Variants in SPSB4 observed in about 807,000 individuals in gnomAD.
SPSB4 encodes splA/ryanodine receptor domain and SOCS box containing 4, also known as SPRY domain-containing SOCS box protein 4.
SPSB4 carries 21 observed loss-of-function variants against 20.9 expected under a neutral mutation model. That is an observed-to-expected ratio of 1.01 (90% CI 0.71 to 1.45). The LOEUF (loss-of-function observed/expected upper bound fraction) is 1.45. SPSB4 is among the 40% of genes most tolerant of loss of function. The probability of loss-of-function intolerance (pLI) is 0.00; values close to 1 mark genes in which losing one functional copy is unlikely to be tolerated. For synonymous variants in SPSB4, 207 were observed against 183.8 expected (o/e 1.13, Z -1.02); for missense variants, 399 against 399.2 (o/e 1.00, Z 0.00).
chr3:141,142,704 T>C (rs1201449735), intron 2 of SPSB4, among the ~76,000 whole-genome samples: 1 of 151,910 alleles, frequency 6.6e-6, no homozygotes, highest in Admixed American at 6.6e-5. Flanking sequence ...AATTGTTTTA[T>C]AAATTTGGGA....
Position 141,077,561 on chromosome 3 carries a change from G to A in SPSB4, c.694+10763G>A, listed in dbSNP as rs140986576. 1.2e-3 allele frequency: 181 copies of A among 152,470 alleles called. 1 individual carries two copies. Among genetic ancestry groups the A allele is most frequent in the Admixed American group, 2.4e-3 (37 of 15,312 alleles). The allele number at this position is 152,470 out of a possible 1,614,324, so 9.4% of individuals were successfully genotyped here. A position where few individuals can be genotyped will look rare whatever the true frequency, so the allele number is the denominator to read the frequency against. On this transcript the variant is annotated intron_variant, in intron 2 of 2. Transcript: ENST00000310546. ...TTTGTTGATGTTTCTCCCTCAAAAT[G>A]CAATTCATGAGGAGGTCCCAGGGTG... is the stretch of plus-strand genomic sequence containing the variant.
chr3:141,065,425 G>A (rs1229449937), intron 1 of SPSB4, among the ~76,000 whole-genome samples: 2 of 152,192 alleles, frequency 1.3e-5, no homozygotes, highest in African/African-American at 4.8e-5. Context: ...ACACCCTACA[G>A]CCCTGTGTCT....
At chr3:141,125,418 T>C (rs570198008) in intron 2 of SPSB4, among the ~76,000 whole-genome samples, 2 of 152,350 alleles carry the variant, frequency 1.3e-5, no homozygotes, top group African/African-American at 4.8e-5. Flanking sequence ...GGCAGCTCTG[T>C]GCCTTCATCA....
At chr3:141,082,283 G>C (rs1333893533) in intron 2 of SPSB4, among the ~76,000 whole-genome samples, 1 of 152,214 alleles carries the variant, frequency 6.6e-6, no homozygotes, top group Non-Finnish European at 1.5e-5. Flanking sequence ...GAGTGCGCCT[G>C]GCAGGAGGTA....
intron 1 of SPSB4, among the ~76,000 whole-genome samples, chr3:141,055,901 G>T (rs751969282): frequency 6.6e-6 from 1 of 152,228 alleles, no homozygotes; most frequent in Non-Finnish European, 1.5e-5. Context: ...CTGACCAGGG[G>T]CTTCTAGTAG....
intron 2 of SPSB4, among the ~76,000 whole-genome samples, chr3:141,093,698 C>T (rs1248604005): frequency 1.3e-5 from 2 of 152,204 alleles, no homozygotes; most frequent in African/African-American, 2.4e-5. Flanking sequence ...CATCATCCCA[C>T]ATGCATATTA....
chr3:141,105,102 A>G (rs543562772), intron 2 of SPSB4, among the ~76,000 whole-genome samples: 4 of 152,320 alleles, frequency 2.6e-5, no homozygotes, highest in South Asian at 2.1e-4. Flanking sequence ...AGCACCATAC[A>G]TTCAGGAACC....
At chr3:141,054,266 T>C (rs6439974) in intron 1 of SPSB4, among the ~76,000 whole-genome samples, 152,282 of 152,324 alleles carry the variant, frequency 1, 76,121 homozygotes, top group Non-Finnish European at 1. Context: ...TGAAGGGTCT[T>C]GGGCATGAAA....
intron 2 of SPSB4, among the ~76,000 whole-genome samples, chr3:141,101,806 C>G (rs1482063322): frequency 6.6e-6 from 1 of 152,212 alleles, no homozygotes; most frequent in East Asian, 1.9e-4. Flanking sequence ...ACGTGTTGCA[C>G]ATCTTAAACT....
chr3:141,109,932 G>A (rs564782567), intron 2 of SPSB4, among the ~76,000 whole-genome samples: 2 of 152,156 alleles, frequency 1.3e-5, no homozygotes, highest in African/African-American at 2.4e-5. Flanking sequence ...CTTAACTCAC[G>A]TCCTGTGGCA....
chr3:141,133,623 T>G (rs1218947841), intron 2 of SPSB4, among the ~76,000 whole-genome samples: 1 of 152,158 alleles, frequency 6.6e-6, no homozygotes, highest in African/African-American at 2.4e-5. Flanking sequence ...TATCTCTGGG[T>G]TCTCTATTCT....
chr3:141,071,783 C>G (rs910515807), intron 2 of SPSB4, among the ~76,000 whole-genome samples: 1 of 152,216 alleles, frequency 6.6e-6, no homozygotes, highest in African/African-American at 2.4e-5. Flanking sequence ...AGGGCTTTCC[C>G]CCTGCACGGA....
intron 2 of SPSB4, among the ~76,000 whole-genome samples, chr3:141,091,138 G>C (rs768210784): frequency 1.3e-5 from 2 of 152,166 alleles, no homozygotes; most frequent in Non-Finnish European, 2.9e-5. Flanking sequence ...TCCATGAGGA[G>C]GTTCTGTGTG....
chr3:141,147,361 T>C lies in SPSB4; in HGVS notation c.*92T>C. On this transcript the variant is annotated 3_prime_UTR_variant, in exon 3 of 3. Coordinates refer to ENST00000310546, the MANE Select transcript of SPSB4 (RefSeq NM_080862.3). ...GTCCCATGGCACATAGGGGAAAGGATCTACCCTTCTCCTGGCTCCCCAGGA... is the reference window on the plus strand; with the variant it reads ...GTCCCATGGCACATAGGGGAAAGGACCTACCCTTCTCCTGGCTCCCCAGGA... 1 of 1,562,056 alleles carries C rather than the reference T, an allele frequency of 6.4e-7. No homozygotes were observed. Among genetic ancestry groups the C allele is most frequent in the East Asian group, 2.3e-5 (1 of 44,166 alleles).
Position 141,131,263 on chromosome 3 carries a change from C to G in SPSB4, c.695-15879C>G, listed in dbSNP as rs141810852. Among the ~76,000 whole-genome samples the G allele has an allele frequency of 3.4e-3, 516 of 152,150 alleles. 2 individuals carry two copies. The highest frequency in any genetic ancestry group is 5.6e-3 in the Non-Finnish European group (380 of 67,994). On this transcript the variant is annotated intron_variant, in intron 2 of 2. Coordinates refer to ENST00000310546, the MANE Select transcript of SPSB4 (RefSeq NM_080862.3). ...CTAGGATTCCAAGCCAGCTCCTTCC[C>G]CCTACTTTTTCCCATTAGGGCAGGC...
intron 2 of SPSB4, among the ~76,000 whole-genome samples, chr3:141,088,500 G>C (rs551661043): frequency 6.6e-6 from 1 of 152,306 alleles, no homozygotes; most frequent in South Asian, 2.1e-4. Context: ...AGCTCAACTG[G>C]TTAGGTACTG....
intron 2 of SPSB4, among the ~76,000 whole-genome samples, chr3:141,117,510 T>A (rs988107763): frequency 2.0e-5 from 3 of 152,228 alleles, no homozygotes; most frequent in African/African-American, 7.2e-5. Flanking sequence ...TTCTCTGTTT[T>A]TATTTTTATT....
intron 2 of SPSB4, among the ~76,000 whole-genome samples, chr3:141,071,587 G>A (rs549694433): frequency 6.6e-6 from 1 of 152,236 alleles, no homozygotes; most frequent in East Asian, 1.9e-4. Flanking sequence ...TTTGCCCAAG[G>A]CCACACAGCT....
At chr3:141,116,410 A>C (rs1938880783) in intron 2 of SPSB4, among the ~76,000 whole-genome samples, 1 of 152,266 alleles carries the variant, frequency 6.6e-6, no homozygotes, top group Non-Finnish European at 1.5e-5. Context: ...CACATGGAGC[A>C]GGGCTGAGGG....
Sources: gnomAD v4.1 joint callset for allele counts (sites outside exome capture counted in the v4.1 genomes callset) on GRCh38, gnomAD v4.1.1 for gene constraint, MANE v1.5 for transcripts, NCBI Gene and HGNC (gene_info 2026-07-23, HGNC 2026-07-21) for gene names.